Variants in LOC122539214 observed in about 807,000 individuals in gnomAD.
At chr19:52,683,530 G>GCTGGT in the LOC122539214 span, among the ~76,000 whole-genome samples, 7 of 83,568 alleles carry the variant, frequency 8.4e-5, 1 homozygote, top group East Asian at 2.9e-4. Flanking sequence ...CCAAAGGGAA[G>GCTGGT]GGCAAAGTCC....
chr19:52,654,310 C>G, the LOC122539214 span: 1 of 1,488,608 alleles, frequency 6.7e-7, no homozygotes, highest in Non-Finnish European at 9.3e-7. Context: ...AATGTGATGA[C>G]TTTTATGTCT....
At chr19:52,679,008 G>C in the LOC122539214 span, among the ~76,000 whole-genome samples, 2 of 151,482 alleles carry the variant, frequency 1.3e-5, no homozygotes, top group Non-Finnish European at 2.9e-5. Flanking sequence ...CTAAAATATA[G>C]GGATTTCATT....
the LOC122539214 span, among the ~76,000 whole-genome samples, chr19:52,672,972 G>A: frequency 1.2e-4 from 18 of 151,320 alleles, no homozygotes; most frequent in African/African-American, 4.2e-4. Flanking sequence ...ACAACAGAAT[G>A]ACTGTAGTCA....
chr19:52,657,907 C>T, the LOC122539214 span, among the ~76,000 whole-genome samples: 62 of 150,970 alleles, frequency 4.1e-4, no homozygotes, highest in East Asian at 9.0e-3. Context: ...GAGGCCAAGG[C>T]GGGGGGATCA....
chr19:52,672,842 C>T, the LOC122539214 span, among the ~76,000 whole-genome samples: 11 of 152,196 alleles, frequency 7.2e-5, no homozygotes, highest in African/African-American at 2.6e-4. Flanking sequence ...TTCCAAAGTG[C>T]TGGGATTACA....
the LOC122539214 span, chr19:52,652,944 A>T: frequency 1.6e-6 from 2 of 1,226,368 alleles, no homozygotes; most frequent in Non-Finnish European, 2.4e-6. Context: ...AGGATGACAT[A>T]TGACTGAAGG....
the LOC122539214 span, among the ~76,000 whole-genome samples, chr19:52,687,770 AGAG>A: frequency 3.4e-5 from 5 of 147,420 alleles, no homozygotes; most frequent in African/African-American, 1.3e-4. Context: ...GGCTGCAGTT[AGAG>A]GAGATCACGC....
chr19:52,659,921 G>A, the LOC122539214 span, among the ~76,000 whole-genome samples: 7 of 152,112 alleles, frequency 4.6e-5, no homozygotes, highest in African/African-American at 1.2e-4. Context: ...CTGGGTGGGC[G>A]GTAACTCACG....
chr19:52,666,611 C>T, the LOC122539214 span, among the ~76,000 whole-genome samples: 1 of 108,130 alleles, frequency 9.2e-6, no homozygotes, highest in African/African-American at 3.9e-5. Flanking sequence ...GAAGAACTAT[C>T]CTAAGTCAAA....
At chr19:52,683,228 C>CTGTGTG in the LOC122539214 span, among the ~76,000 whole-genome samples, 735 of 128,008 alleles carry the variant, frequency 5.7e-3, 7 homozygotes, top group East Asian at 0.038. Context: ...CCCTGTGACT[C>CTGTGTG]TGTGTGTGTG....
the LOC122539214 span, among the ~76,000 whole-genome samples, chr19:52,687,969 T>A: frequency 2.0e-5 from 3 of 152,052 alleles, no homozygotes; most frequent in Non-Finnish European, 4.4e-5. Context: ...TCTGGCTGAA[T>A]AGGGATTCCA....
chr19:52,683,093 C>T, the LOC122539214 span, among the ~76,000 whole-genome samples: 1,874 of 152,218 alleles, frequency 0.012, 34 homozygotes, highest in Middle Eastern at 0.037. Context: ...TGCTCTCAAA[C>T]TCCTGACTTC....
the LOC122539214 span, among the ~76,000 whole-genome samples, chr19:52,687,074 A>C: frequency 1.3e-5 from 2 of 151,458 alleles, no homozygotes; most frequent in Admixed American, 6.6e-5. Context: ...CCAACTACTC[A>C]GGAGGCTAAG....
the LOC122539214 span, among the ~76,000 whole-genome samples, chr19:52,678,132 C>A: frequency 1.3e-5 from 2 of 151,822 alleles, no homozygotes; most frequent in South Asian, 2.1e-4. Context: ...AACAATAATG[C>A]GCTAACTAAA....
the LOC122539214 span, among the ~76,000 whole-genome samples, chr19:52,684,238 C>T: frequency 6.6e-6 from 1 of 152,004 alleles, no homozygotes; most frequent in Non-Finnish European, 1.5e-5. Flanking sequence ...GCTTGGTGGG[C>T]ATCTGTAATC....
chr19:52,674,063 A>G, the LOC122539214 span: 1 of 152,196 alleles, frequency 6.6e-6, no homozygotes, highest in Non-Finnish European at 1.5e-5. Flanking sequence ...TGAACTTGGA[A>G]AGCACCACAC....
chr19:52,663,220 T>A, the LOC122539214 span, among the ~76,000 whole-genome samples: 8 of 152,116 alleles, frequency 5.3e-5, no homozygotes, highest in Non-Finnish European at 8.8e-5. Flanking sequence ...AAAAGAAATG[T>A]CTCTTTCAAT....
the LOC122539214 span, among the ~76,000 whole-genome samples, chr19:52,673,148 G>A: frequency 1.3e-5 from 2 of 152,162 alleles, no homozygotes; most frequent in Non-Finnish European, 2.9e-5. Flanking sequence ...AGCAGAGGTT[G>A]CAGTGAGTGG....
At chr19:52,668,439 AC>A in the LOC122539214 span, among the ~76,000 whole-genome samples, 4 of 151,992 alleles carry the variant, frequency 2.6e-5, no homozygotes, top group Non-Finnish European at 5.9e-5. Context: ...TACTATTCCT[AC>A]CACTAGCAAC....
Sources: gnomAD v4.1 joint callset for allele counts (sites outside exome capture counted in the v4.1 genomes callset) on GRCh38, gnomAD v4.1.1 for gene constraint, MANE v1.5 for transcripts.